Variants in NDUFA5 observed in about 807,000 individuals in gnomAD.
The protein encoded by NDUFA5 is NADH:ubiquinone oxidoreductase subunit A5, also known as NADH dehydrogenase [ubiquinone] 1 alpha subcomplex subunit 5.
Under a neutral mutation model 19.8 loss-of-function variants are expected in NDUFA5, and 11 were observed. That is an observed-to-expected ratio of 0.56 (90% CI 0.35 to 0.92). NDUFA5 has a LOEUF of 0.92. Ranked by LOEUF, NDUFA5 falls within the 40% of genes least tolerant of loss-of-function variation. NDUFA5 has a pLI of 0.01. For missense variants in NDUFA5, 109 were observed against 134.2 expected (o/e 0.81, Z 0.93); for synonymous variants, 47 against 46.8 (o/e 1.00, Z -0.01).
the NDUFA5 span, among the ~76,000 whole-genome samples, chr7:123,567,524 A>T: frequency 6.6e-6 from 1 of 152,200 alleles, no homozygotes; most frequent in African/African-American, 2.4e-5. Context: ...CTTCTCAGTG[A>T]TGCAAGCTCT....
intron 3 of NDUFA5, 31 bp downstream of exon 3, chr7:123,550,439 A>ACTGGGTACCACAAATC: frequency 1.5e-6 from 2 of 1,296,534 alleles, no homozygotes; most frequent in Non-Finnish European, 2.2e-6. Flanking sequence ...TAAATGTTAC[A>ACTGGGTACCACAAATC]CAAGACAACA....
At chr7:123,590,275 C>T in the NDUFA5 span, among the ~76,000 whole-genome samples, 4 of 151,804 alleles carry the variant, frequency 2.6e-5, no homozygotes, top group Admixed American at 6.6e-5. Flanking sequence ...GTAGGTTGCC[C>T]ATTCACTCTG....
At chr7:123,573,723 T>C in the NDUFA5 span, among the ~76,000 whole-genome samples, 1 of 152,138 alleles carries the variant, frequency 6.6e-6, no homozygotes, top group East Asian at 1.9e-4. Context: ...GGAGTAAATT[T>C]GGTTCCCATT....
At chr7:123,552,079 A>G (rs1004550487) in intron 2 of NDUFA5, among the ~76,000 whole-genome samples, 2 of 152,170 alleles carry the variant, frequency 1.3e-5, no homozygotes, top group African/African-American at 4.8e-5. Flanking sequence ...GGTATGAACC[A>G]GAACAGTTGA....
In NDUFA5 at chr7:123,557,811, T is replaced by C. The variant is rs368338347; in HGVS notation, c.-16A>G. 21 of 1,613,846 alleles carry C rather than the reference T, an allele frequency of 1.3e-5. No homozygotes were observed. The highest frequency in any genetic ancestry group is 2.7e-5 in the African/African-American group (2 of 74,838). ...CACCCGCCATGACAGCGCCAACGAC[T>C]CGGTGACGCACAACCCTTTGGGAAC... On this transcript the variant is annotated 5_prime_UTR_variant, in exon 1 of 5. Coordinates refer to ENST00000355749, the MANE Select transcript of NDUFA5 (RefSeq NM_005000.5).
At chr7:123,580,370 C>T in the NDUFA5 span, among the ~76,000 whole-genome samples, 1 of 151,768 alleles carries the variant, frequency 6.6e-6, no homozygotes, top group Non-Finnish European at 1.5e-5. Flanking sequence ...GTGAGTGAAG[C>T]AGTCATCACA....
chr7:123,542,439 G>T (rs1797974195), intron 4 of NDUFA5, among the ~76,000 whole-genome samples: 1 of 152,070 alleles, frequency 6.6e-6, no homozygotes, highest in Non-Finnish European at 1.5e-5. Flanking sequence ...CTATTTGATT[G>T]AAATAGGCTA....
At chr7:123,578,388 A>AATT in the NDUFA5 span, among the ~76,000 whole-genome samples, 1 of 151,792 alleles carries the variant, frequency 6.6e-6, no homozygotes, top group Non-Finnish European at 1.5e-5. Flanking sequence ...CCTTGGCCTA[A>AATT]ACATCTGTCA....
At chr7:123,558,063 C>T (rs371707201), upstream of NDUFA5, 1 of 585,574 alleles carries the variant, frequency 1.7e-6, no homozygotes, top group Non-Finnish European at 3.0e-6. Flanking sequence ...CCTGCCACTG[C>T]TGACGGCTTG....
intron 4 of NDUFA5, 137 bp downstream of exon 4, chr7:123,545,474 A>ACATTT (rs1320083962): frequency 1.5e-6 from 1 of 669,034 alleles, no homozygotes; most frequent in African/African-American, 1.9e-5. Context: ...GAGAAGCACC[A>ACATTT]CATTTTCTAT....
At chr7:123,554,832 C>A (rs1798482059) in intron 2 of NDUFA5, 1 of 152,282 alleles carries the variant, frequency 6.6e-6, no homozygotes, top group Admixed American at 6.5e-5. Flanking sequence ...TAGGTGCACA[C>A]CACCACACCT....
intron 2 of NDUFA5, chr7:123,551,594 T>C (rs553560188): frequency 3.4e-5 from 23 of 679,972 alleles, no homozygotes; most frequent in Middle Eastern, 7.7e-4. Context: ...AATAAACACA[T>C]ATAATCATTA....
rs1311363326 is a variant in NDUFA5, at chr7:123,557,436, C to T, written c.34G>A (p.Val12Met). The T allele has an allele frequency of 2.5e-6, 4 of 1,612,602 alleles. No individual in the cohort carries two copies. In the African/African-American group the frequency reaches 4.0e-5, roughly 16 times the overall value. Residue 12 changes from valine (V) to methionine (M), a missense_variant, in exon 2 of 5, where the codon GTG (valine) becomes ATG (methionine). Coordinates refer to ENST00000355749, the MANE Select transcript of NDUFA5 (RefSeq NM_005000.5). ...GGAGTATTGCACACAGCCAATCCCA[C>T]AAGGCCAGTGGTCTGTTCAAAAACA... ...AGVLKKTTGL[V>M]GLAVCNTPHE... is the part of the protein sequence containing the mutation.
chr7:123,557,796 G>A lies in NDUFA5; in HGVS notation c.-1C>T, dbSNP rs368639003. The A allele has an allele frequency of 1.9e-5, 30 of 1,613,602 alleles. No individual in the cohort carries two copies. The highest frequency in any genetic ancestry group is 4.0e-5 in the African/African-American group (3 of 74,870). ...TCACCTTCTTCAGCACACCCGCCAT[G>A]ACAGCGCCAACGACTCGGTGACGCA... On this transcript the variant is annotated 5_prime_UTR_variant, in exon 1 of 5. Transcript: ENST00000355749.
chr7:123,584,738 C>A, the NDUFA5 span: 7 of 151,662 alleles, frequency 4.6e-5, no homozygotes, highest in African/African-American at 1.7e-4. Context: ...ATTCTATTCA[C>A]GAAGAAATAA....
chr7:123,591,911 T>C, the NDUFA5 span, among the ~76,000 whole-genome samples: 1 of 152,364 alleles, frequency 6.6e-6, no homozygotes, highest in East Asian at 1.9e-4. Flanking sequence ...AGAATTTGGC[T>C]GTGAATCCTT....
intron 4 of NDUFA5, among the ~76,000 whole-genome samples, chr7:123,545,249 A>C (rs1798087450): frequency 6.6e-6 from 1 of 152,094 alleles, no homozygotes. Flanking sequence ...ATAATTCAAA[A>C]TGTCTGTATT....
At chr7:123,558,413 C>G (rs897552504), upstream of NDUFA5, among the ~76,000 whole-genome samples, 1 of 152,218 alleles carries the variant, frequency 6.6e-6, no homozygotes, top group Admixed American at 6.5e-5. Context: ...TCCACAAACA[C>G]TGACCACTCA....
the NDUFA5 span, among the ~76,000 whole-genome samples, chr7:123,583,743 C>T: frequency 6.6e-6 from 1 of 151,880 alleles, no homozygotes; most frequent in Admixed American, 6.6e-5. Context: ...AGAACACTGT[C>T]TCTTTTCCTC....
Sources: allele counts gnomAD v4.1 joint callset (sites outside exome capture counted in the v4.1 genomes callset), GRCh38; gene constraint gnomAD v4.1.1; transcripts MANE v1.5; gene names NCBI Gene and HGNC (gene_info 2026-07-23, HGNC 2026-07-21).